IGFBP7: variants seen among roughly 807,000 people sequenced by gnomAD.
IGFBP7 encodes insulin like growth factor binding protein 7, also known as insulin-like growth factor-binding protein 7.
A neutral mutation model predicts 29.4 loss-of-function variants in IGFBP7; 31 were observed. The ratio of observed to expected loss-of-function variants is 1.05; its 90% CI spans 0.79 to 1.42. The LOEUF is 1.42. Ranked by LOEUF, IGFBP7 falls within the 40% of genes most tolerant of loss-of-function variation. The probability of loss-of-function intolerance (pLI) is 0.00; values close to 1 mark genes in which losing one functional copy is unlikely to be tolerated. For missense variants in IGFBP7, 393 were observed against 395.5 expected, an observed-to-expected ratio of 0.99 and a Z score of 0.05; for synonymous variants, 172 against 174.9, an observed-to-expected ratio of 0.98 and a Z score of 0.13.
intron 1 of IGFBP7, among the ~76,000 whole-genome samples, chr4:57,108,413 C>T (rs774156692): frequency 6.6e-6 from 1 of 152,184 alleles, no homozygotes; most frequent in Non-Finnish European, 1.5e-5. Flanking sequence ...TCAGGAGCTG[C>T]CAACATTGAA....
chr4:57,063,332 TG>T (rs2109767651), intron 1 of IGFBP7, among the ~76,000 whole-genome samples: 1 of 152,330 alleles, frequency 6.6e-6, no homozygotes, highest in African/African-American at 2.4e-5. Flanking sequence ...GCATTGAAAT[TG>T]CTGCATACCC....
chr4:57,081,378 C>T (rs1725363177), intron 1 of IGFBP7, among the ~76,000 whole-genome samples: 1 of 152,032 alleles, frequency 6.6e-6, no homozygotes, highest in East Asian at 1.9e-4. Flanking sequence ...CTTAGATTTA[C>T]CCCCCACCAG....
intron 1 of IGFBP7, 32 bp downstream of exon 1, chr4:57,109,845 G>A (rs1206002587): frequency 6.5e-7 from 1 of 1,529,392 alleles, no homozygotes; most frequent in Admixed American, 2.0e-5. Context: ...GCCGAGCGGC[G>A]CAGGGTTGGA....
chr4:57,077,240 C>G (rs1304413517), intron 1 of IGFBP7, among the ~76,000 whole-genome samples: 3 of 152,176 alleles, frequency 2.0e-5, no homozygotes, highest in Non-Finnish European at 4.4e-5. Flanking sequence ...CGCATCCAAA[C>G]AGTCCTCCTT....
chr4:57,073,881 T>A (rs1343080022), intron 1 of IGFBP7, among the ~76,000 whole-genome samples: 1 of 152,048 alleles, frequency 6.6e-6, no homozygotes, highest in Admixed American at 6.6e-5. Context: ...TCGGGAGTGA[T>A]CATAATCTCT....
chr4:57,099,501 G>A (rs765493275), intron 1 of IGFBP7, among the ~76,000 whole-genome samples: 3 of 152,140 alleles, frequency 2.0e-5, no homozygotes, highest in Non-Finnish European at 4.4e-5. Flanking sequence ...TCAACATTCA[G>A]GGTTAAACCT....
chr4:57,075,526 A>T (rs1266016668), intron 1 of IGFBP7, among the ~76,000 whole-genome samples: 2 of 152,164 alleles, frequency 1.3e-5, no homozygotes, highest in African/African-American at 4.8e-5. Context: ...CTAACTAATG[A>T]ACTAGAACAT....
chr4:57,040,837 A>AGG lies in IGFBP7; in HGVS notation c.570_571dup (p.Leu191ProfsTer7). 1 of 1,610,890 alleles carries AGG rather than the reference A, an allele frequency of 6.2e-7. No homozygotes were observed. ...TGTGCCACAGACCTTGTTCCAGATG[A>AGG]GGACAGGTGTCGGGATTCCGATGAC... On this transcript the variant is annotated frameshift_variant, in exon 2 of 5. Transcript: ENST00000295666. LOFTEE classifies it high-confidence loss of function.
intron 1 of IGFBP7, among the ~76,000 whole-genome samples, chr4:57,051,750 C>T (rs745453723): frequency 4.6e-5 from 7 of 152,214 alleles, no homozygotes; most frequent in Non-Finnish European, 8.8e-5. Flanking sequence ...CTGCTTTATT[C>T]ATCTGTGAAA....
chr4:57,095,410 T>G (rs1725736954), intron 1 of IGFBP7, among the ~76,000 whole-genome samples: 1 of 152,196 alleles, frequency 6.6e-6, no homozygotes, highest in Admixed American at 6.5e-5. Flanking sequence ...GAGAATGTAT[T>G]GTACTTATGC....
intron 2 of IGFBP7, among the ~76,000 whole-genome samples, chr4:57,037,107 T>A (rs1724100319): frequency 6.6e-6 from 1 of 152,228 alleles, no homozygotes; most frequent in Admixed American, 6.5e-5. Context: ...ACATAGGTTC[T>A]GTTCTATTTT....
chr4:57,104,217 G>A (rs1256559179), intron 1 of IGFBP7, among the ~76,000 whole-genome samples: 3 of 151,904 alleles, frequency 2.0e-5, no homozygotes, highest in South Asian at 2.1e-4. Context: ...GTATTCTATT[G>A]TATATATACA....
chr4:57,081,675 C>T (rs533462111), intron 1 of IGFBP7, among the ~76,000 whole-genome samples: 1 of 152,024 alleles, frequency 6.6e-6, no homozygotes, highest in African/African-American at 2.4e-5. Flanking sequence ...TTGAGCTTCC[C>T]CATGGTGGCA....
intron 1 of IGFBP7, among the ~76,000 whole-genome samples, chr4:57,045,734 CT>C (rs11423399): frequency 2.4e-3 from 354 of 144,982 alleles, no homozygotes; most frequent in East Asian, 2.4e-3. Context: ...GGAAAAACTC[CT>C]TTTTTTTTTT....
At chr4:57,056,970 G>C (rs1437385529) in intron 1 of IGFBP7, among the ~76,000 whole-genome samples, 1 of 152,150 alleles carries the variant, frequency 6.6e-6, no homozygotes, top group Non-Finnish European at 1.5e-5. Flanking sequence ...AGTGCAGGGA[G>C]ACACAGAAAG....
At chr4:57,051,766 T>G (rs34060938) in intron 1 of IGFBP7, among the ~76,000 whole-genome samples, 28,858 of 152,192 alleles carry the variant, frequency 0.19, 2,860 homozygotes, top group East Asian at 0.21. Flanking sequence ...TGAAATGGAA[T>G]GATAGTATCC....
intron 1 of IGFBP7, among the ~76,000 whole-genome samples, chr4:57,091,848 G>C (rs1354315818): frequency 2.0e-5 from 3 of 152,220 alleles, no homozygotes; most frequent in Non-Finnish European, 4.4e-5. Flanking sequence ...AAGGGCACGT[G>C]TGGTAAAAAT....
chr4:57,069,387 A>C (rs1461208947), intron 1 of IGFBP7, among the ~76,000 whole-genome samples: 1 of 152,074 alleles, frequency 6.6e-6, no homozygotes, highest in East Asian at 1.9e-4. Flanking sequence ...CAGATGTTCG[A>C]GACCAGCCTG....
rs1262237224 is a variant in IGFBP7 at position 57,053,306 on chromosome 4, C to T, written c.476-12373G>A. ...TGCTGGGATTATAGGCGTGAGCCAC[C>T]GCACCTGGCCCTTGATGATGTTTTC... is the stretch of plus-strand genomic sequence containing the variant. On this transcript the variant is annotated intron_variant, in intron 1 of 4. Coordinates refer to ENST00000295666, the MANE Select transcript of IGFBP7 (RefSeq NM_001553.3). 5.3e-5 allele frequency among the ~76,000 whole-genome samples: 8 copies of T among 151,974 alleles called. No homozygotes were observed. In the South Asian group the frequency reaches 6.2e-4, roughly 12 times the overall value.
Sources: allele counts gnomAD v4.1 joint callset (sites outside exome capture counted in the v4.1 genomes callset), GRCh38; gene constraint gnomAD v4.1.1; transcripts MANE v1.5; gene names NCBI Gene and HGNC (gene_info 2026-07-23, HGNC 2026-07-21).